The following TXNDC11 variants were observed in gnomAD, a reference collection of about 807,000 sequenced individuals.
TXNDC11 encodes the protein thioredoxin domain containing 11, also known as thioredoxin domain-containing protein 11.
A neutral mutation model predicts 78.0 loss-of-function variants in TXNDC11; 68 were observed. That is an observed-to-expected ratio of 0.87 (90% confidence interval 0.72 to 1.07). The LOEUF (loss-of-function observed/expected upper bound fraction) is 1.07. Among genes scored for constraint, TXNDC11 ranks in the 50% least tolerant of loss-of-function variants. The pLI, the probability that TXNDC11 is intolerant of heterozygous loss-of-function variation, is 0.00. For missense variants in TXNDC11, 1,389 were observed against 1,221.8 expected (o/e 1.14, Z -2.04); for synonymous variants, 571 against 495.2 (o/e 1.15, Z -2.03).
chr16:11,736,249 C>T lies in TXNDC11; in HGVS notation c.255-16G>A, dbSNP rs368316121. The T allele has an allele frequency of 1.3e-6, 2 of 1,570,078 alleles. No homozygotes were observed. The highest frequency in any genetic ancestry group is 1.1e-5 in the South Asian group (1 of 87,764). On this transcript the variant is annotated splice_polypyrimidine_tract_variant and intron_variant, in intron 1 of 11. Coordinates refer to ENST00000283033, the MANE Select transcript of TXNDC11 (RefSeq NM_015914.7). Reference sequence around the variant, plus strand: ...TTTTGCTCGACTAAAAAAGAGCAAACACAGAAAAGATTGCTTAGTTTATCT... The same window carrying T: ...TTTTGCTCGACTAAAAAAGAGCAAATACAGAAAAGATTGCTTAGTTTATCT...
chr16:11,714,977 G>A (rs1348209932), intron 5 of TXNDC11, among the ~76,000 whole-genome samples: 2 of 152,108 alleles, frequency 1.3e-5, no homozygotes, highest in Non-Finnish European at 2.9e-5. Flanking sequence ...GTGGCCGGGC[G>A]TGGTGGCTCA....
intron 4 of TXNDC11, among the ~76,000 whole-genome samples, chr16:11,729,872 G>A (rs1340579751): frequency 6.6e-6 from 1 of 152,122 alleles, no homozygotes; most frequent in Non-Finnish European, 1.5e-5. Context: ...AACATGGGAA[G>A]ATCACTTGAG....
chr16:11,707,960 T>C (rs2051232831), intron 5 of TXNDC11, among the ~76,000 whole-genome samples: 1 of 151,932 alleles, frequency 6.6e-6, no homozygotes, highest in Non-Finnish European at 1.5e-5. Flanking sequence ...GATGTAAGCC[T>C]ATAGTCCTAG....
intron 2 of TXNDC11, among the ~76,000 whole-genome samples, chr16:11,734,862 G>C (rs2052173892): frequency 6.6e-6 from 1 of 152,134 alleles, no homozygotes; most frequent in South Asian, 2.1e-4. Flanking sequence ...GAAATCTGTG[G>C]GATGCTTTTG....
chr16:11,690,122 G>A (rs1024743541), intron 8 of TXNDC11: 1 of 152,192 alleles, frequency 6.6e-6, no homozygotes, highest in African/African-American at 2.4e-5. Flanking sequence ...TGAAATGAAA[G>A]GTTTCCTTCC....
chr16:11,709,703 G>C (rs906387626), intron 5 of TXNDC11, among the ~76,000 whole-genome samples: 19 of 151,956 alleles, frequency 1.3e-4, no homozygotes, highest in Non-Finnish European at 2.6e-4. Context: ...CCAAAGTGCT[G>C]GGATTACAGG....
chr16:11,693,024 T>C (rs1292989599), intron 7 of TXNDC11, among the ~76,000 whole-genome samples: 1 of 152,138 alleles, frequency 6.6e-6, no homozygotes, highest in African/African-American at 2.4e-5. Context: ...CTGAGACCCC[T>C]TCTACAGTCT....
At chr16:11,685,246 C>G (rs1439957645) in intron 10 of TXNDC11, among the ~76,000 whole-genome samples, 1 of 152,150 alleles carries the variant, frequency 6.6e-6, no homozygotes, top group Non-Finnish European at 1.5e-5. Context: ...GTCCCAGCTA[C>G]TTGGGAAGGT....
At chr16:11,698,087 T>G in intron 7 of TXNDC11, 38 bp downstream of exon 7, 1 of 1,588,184 alleles carries the variant, frequency 6.3e-7, no homozygotes. Flanking sequence ...GAGGCTTTCC[T>G]ACTCCTCATG....
chr16:11,726,319 A>G (rs2051875645), intron 4 of TXNDC11, among the ~76,000 whole-genome samples: 1 of 152,136 alleles, frequency 6.6e-6, no homozygotes, highest in Non-Finnish European at 1.5e-5. Flanking sequence ...GCGGTGCCTC[A>G]CGCCTGCAAT....
intron 3 of TXNDC11, among the ~76,000 whole-genome samples, chr16:11,731,068 T>A (rs577133515): frequency 3.9e-5 from 6 of 152,164 alleles, no homozygotes; most frequent in East Asian, 1.9e-4. Flanking sequence ...GAAAAAAAAA[T>A]TAATTCCCAC....
chr16:11,687,339 A>C (rs2141976102), intron 10 of TXNDC11, among the ~76,000 whole-genome samples: 1 of 151,736 alleles, frequency 6.6e-6, no homozygotes, highest in East Asian at 1.9e-4. Context: ...ACCCCATCTA[A>C]AGACTCTGTA....
chr16:11,690,388 T>A (rs978294485), intron 8 of TXNDC11, among the ~76,000 whole-genome samples: 4 of 152,246 alleles, frequency 2.6e-5, no homozygotes, highest in African/African-American at 9.6e-5. Flanking sequence ...GACACTTATT[T>A]ATTTGCACTT....
chr16:11,730,775 C>T lies in TXNDC11; in HGVS notation c.570-1G>A. The T allele has an allele frequency of 6.4e-7, 1 of 1,553,932 alleles. No homozygotes were observed. The highest frequency in any genetic ancestry group is 8.7e-7 in the Non-Finnish European group (1 of 1,149,602). On this transcript the variant is annotated splice_acceptor_variant, in intron 3 of 11. Transcript: ENST00000283033. LOFTEE classifies it high-confidence loss of function. ...GCCTTTGTATTCGATTGGTCCAAAA[C>T]TAGTACCAAAAAATAAAAATAAAAA...
At chr16:11,709,993 A>G (rs1035770427) in intron 5 of TXNDC11, among the ~76,000 whole-genome samples, 7 of 152,122 alleles carry the variant, frequency 4.6e-5, no homozygotes, top group East Asian at 1.9e-4. Context: ...AAGTACAAAC[A>G]TTAGACAGAC....
At chr16:11,721,033 C>T (rs981992891) in intron 5 of TXNDC11, among the ~76,000 whole-genome samples, 3 of 151,860 alleles carry the variant, frequency 2.0e-5, no homozygotes, top group Non-Finnish European at 2.9e-5. Context: ...TGAGCCACTG[C>T]GCCCAGCCTC....
At chr16:11,699,208 C>T (rs1006941736) in intron 6 of TXNDC11, among the ~76,000 whole-genome samples, 1 of 151,426 alleles carries the variant, frequency 6.6e-6, no homozygotes, top group African/African-American at 2.4e-5. Context: ...TCTACTGCTA[C>T]ACAAACCAAC....
At chr16:11,690,904 G>T in intron 8 of TXNDC11, 1 of 204,868 alleles carries the variant, frequency 4.9e-6, no homozygotes, top group Non-Finnish European at 9.8e-6. Context: ...TGCTGTCAAG[G>T]CTCACTTTCA....
At chr16:11,727,137 T>C (rs1470445039) in intron 4 of TXNDC11, among the ~76,000 whole-genome samples, 1 of 152,228 alleles carries the variant, frequency 6.6e-6, no homozygotes, top group Non-Finnish European at 1.5e-5. Flanking sequence ...TATATAATTT[T>C]ATAATGGTCC....
Sources: gnomAD v4.1 joint callset for allele counts (sites outside exome capture counted in the v4.1 genomes callset) on GRCh38, gnomAD v4.1.1 for gene constraint, MANE v1.5 for transcripts, NCBI Gene and HGNC (gene_info 2026-07-23, HGNC 2026-07-21) for gene names.